ABCB6: variants seen among roughly 807,000 people sequenced by gnomAD.
ABCB6 encodes the protein ATP-binding cassette sub-family B member 6.
Under a neutral mutation model 99.4 loss-of-function variants are expected in ABCB6, and 87 were observed. The ratio of observed to expected loss-of-function variants is 0.88; its 90% CI spans 0.74 to 1.05. The LOEUF is 1.05. Ranked by LOEUF, ABCB6 falls within the 50% of genes least tolerant of loss-of-function variation. The pLI is 0.00. For synonymous variants in ABCB6, 482 were observed against 447.5 expected (o/e 1.08, Z -0.97); for missense variants, 1,050 against 1,097.9 (o/e 0.96, Z 0.62).
rs1950670339 is a variant in ABCB6, at chr2:219,218,179, C to T, written c.495G>A (p.Leu165=). 2 of 1,613,638 alleles carry T rather than the reference C, an allele frequency of 1.2e-6. No individual in the cohort carries two copies. Among genetic ancestry groups the T allele is most frequent in the Non-Finnish European group, 1.7e-6 (2 of 1,179,978 alleles). ...ACCACTGTGGGCTGTTCCAAGACAC[C>T]AGGGCCAAGTTCTCAGCTGCAAACG... The part of the protein sequence containing the change: ...TVAFAAENLA[L]VSWNSPQWWW... The change falls in exon 1 of 19, where the codon CTG becomes CTA. Residue 165 remains leucine, a synonymous_variant. Coordinates refer to ENST00000265316, the MANE Select transcript of ABCB6 (RefSeq NM_005689.4).
rs1264483952 is a variant in ABCB6 at position 219,216,717 on chromosome 2, C to A, written c.803G>T (p.Cys268Phe). The A allele has an allele frequency of 3.1e-6, 5 of 1,602,414 alleles. No individual in the cohort carries two copies. The African/African-American group carries it at 6.7e-5, about 21-fold the overall frequency. ...SPALQLVVLICLGLMGLERAL... is the reference protein window; with the variant it reads ...SPALQLVVLIFLGLMGLERAL... The stretch of plus-strand genomic sequence containing the variant: ...CCGTTCCAAACCCATGAGCCCCAGG[C>A]AGATGAGCACCACCAGCTGCAGAGC... The change falls in exon 3 of 19, where the codon TGC becomes TTC. Residue 268 changes from cysteine to phenylalanine, a missense_variant. By Grantham distance (205) the Cys-to-Phe change is radical. Coordinates refer to ENST00000265316, the MANE Select transcript of ABCB6 (RefSeq NM_005689.4). The surrounding 1 kb of genome is among the most constrained non-coding windows in gnomAD (Gnocchi z 4.2).
At chr2:219,218,030 G>A in intron 1 of ABCB6, 95 bp downstream of exon 1, 1 of 1,460,550 alleles carries the variant, frequency 6.8e-7, no homozygotes, top group Non-Finnish European at 9.1e-7. Context: ...TTGCTTAGAG[G>A]CATCCTAAAG....
chr2:219,213,156 A>G, intron 12 of ABCB6, 85 bp downstream of exon 12: 1 of 1,605,328 alleles, frequency 6.2e-7, no homozygotes, highest in South Asian at 1.1e-5. Context: ...GCTCTTTTCC[A>G]AAAGCAGGGA....
chr2:219,215,373 G>C (rs1388325608), intron 5 of ABCB6: 7 of 331,868 alleles, frequency 2.1e-5, no homozygotes, highest in Non-Finnish European at 3.9e-5. Flanking sequence ...AATACCATTT[G>C]TTTTAGGAAA....
Position 219,210,706 on chromosome 2 carries a change from C to A in ABCB6, c.2256+5G>T, listed in dbSNP as rs372762654. On this transcript the variant is annotated splice_donor_5th_base_variant and intron_variant, in intron 16 of 18. Coordinates refer to ENST00000265316, the MANE Select transcript of ABCB6 (RefSeq NM_005689.4). ...AGGAAGGAGGGGAGGAGACCCAGGG[C>A]GCACCTCATCCAGCAGAATGATGCC... 3.7e-6 allele frequency: 6 copies of A among 1,613,476 alleles called. No individual in the cohort carries two copies. In the South Asian group the frequency reaches 5.5e-5, roughly 15 times the overall value.
rs1950572258 is a variant in ABCB6, at chr2:219,211,052, G to A, written c.2025C>T (p.Leu675=). 6.2e-7 allele frequency: 1 copy of A among 1,614,194 alleles called. No individual in the cohort carries two copies. Among genetic ancestry groups the A allele is most frequent in the Non-Finnish European group, 8.5e-7 (1 of 1,180,038 alleles). The change falls in exon 15 of 19, where the codon CTC becomes CTT. Residue 675 remains leucine, a synonymous_variant. Transcript: ENST00000265316. The stretch of plus-strand genomic sequence containing the variant: ...TATTGTCGGCGATGGTGTCATTAAA[G>A]AGGACAGTGTCTTGGGGCACAACTC... ...HIGVVPQDTV[L]FNDTIADNIR...
In ABCB6 at chr2:219,218,478, C is replaced by T. The variant is rs773656026; in HGVS notation, c.196G>A (p.Ala66Thr). The change falls in exon 1 of 19, where the codon GCC becomes ACC. Residue 66 changes from alanine (A) to threonine (T), a missense_variant. Ala to Thr is a moderately conservative substitution (Grantham distance 58, BLOSUM62 0). Transcript: ENST00000265316. ...ACGTAGGGAGAGATGCGAGGGCCGG[C>T]CCCCCAAGACAGCGAATCAGCACCA... ...PAGADSLSWG[A>T]GPRISPYVLQ... is the part of the protein sequence containing the mutation. 47 of 1,606,650 alleles carry T rather than the reference C, an allele frequency of 2.9e-5. No homozygotes were observed. Among genetic ancestry groups the T allele is most frequent in the Non-Finnish European group, 3.6e-5 (42 of 1,177,150 alleles).
intron 13 of ABCB6, 28 bp downstream of exon 13, chr2:219,212,980 T>C (rs752837301): frequency 1.7e-5 from 27 of 1,612,952 alleles, no homozygotes; most frequent in South Asian, 4.4e-5. Flanking sequence ...TTGAGGCATC[T>C]GGGCCAAGTG....
intron 5 of ABCB6, 63 bp downstream of exon 5, chr2:219,215,934 C>T (rs1044091253): frequency 3.0e-5 from 43 of 1,452,928 alleles, no homozygotes; most frequent in South Asian, 4.4e-5. Flanking sequence ...CTTCCTCCCA[C>T]GGGCCCCTAT....
rs367926648 is a variant in ABCB6 at position 219,217,663 on chromosome 2, G to A, written c.687+7C>T. On this transcript the variant is annotated splice_region_variant and intron_variant, in intron 2 of 18. Coordinates refer to ENST00000265316, the MANE Select transcript of ABCB6 (RefSeq NM_005689.4). The stretch of plus-strand genomic sequence containing the variant: ...GTCTCCAAAAAAAAAAAGAAACTGA[G>A]GTGTACCTGGCTCCTTTCCACATCT... The A allele has an allele frequency of 4.3e-5, 68 of 1,585,858 alleles. No individual in the cohort carries two copies. Among genetic ancestry groups the A allele is most frequent in the Admixed American group, 7.6e-5 (4 of 52,418 alleles).
In ABCB6 at chr2:219,216,882, A is replaced by G; in HGVS notation, c.688-50T>C. The G allele has an allele frequency of 6.5e-7, 1 of 1,533,960 alleles. No homozygotes were observed. The highest frequency in any genetic ancestry group is 1.4e-5 in the African/African-American group (1 of 72,928). ...GGGAGCTCAGAAATCAAGTAAGTGC[A>G]CTAGCCAGAAACCCTTCAGGGAAAA... On this transcript the variant is annotated intron_variant, in intron 2 of 18. Transcript: ENST00000265316. The surrounding 1 kb of genome is among the most constrained non-coding windows in gnomAD (Gnocchi z 4.2).
At chr2:219,214,273 A>G (rs1257592709) in intron 7 of ABCB6, 87 bp from the exon 8 acceptor site, 2 of 1,507,548 alleles carry the variant, frequency 1.3e-6, no homozygotes, top group African/African-American at 2.8e-5. Context: ...CTCCTTCCTG[A>G]GTTCAAACAT....
In ABCB6 at chr2:219,216,195, G is replaced by C. The variant is rs756474494; in HGVS notation, c.971-15C>G. ...GCTCACGAAGCCTGCAGGGAGCCGG[G>C]GGACGCCTCAGTAGGGCCTGGGAGC... On this transcript the variant is annotated splice_polypyrimidine_tract_variant and intron_variant, in intron 4 of 18. Coordinates refer to ENST00000265316, the MANE Select transcript of ABCB6 (RefSeq NM_005689.4). This position sits in a 1 kb window ranked among gnomAD's most constrained non-coding sequence, Gnocchi z 4.2. 12 of 1,578,904 alleles carry C rather than the reference G, an allele frequency of 7.6e-6. No individual in the cohort carries two copies. The highest frequency in any genetic ancestry group is 1.0e-5 in the Non-Finnish European group (12 of 1,158,830).
chr2:219,215,662 A>G (rs1347222893), intron 5 of ABCB6: 2 of 187,808 alleles, frequency 1.1e-5, no homozygotes, highest in African/African-American at 4.7e-5. Flanking sequence ...AATTGCTTGA[A>G]CCCGGGAGGC....
intron 6 of ABCB6, 168 bp from the exon 7 acceptor site, chr2:219,214,666 A>T: frequency 1.5e-6 from 1 of 645,168 alleles, no homozygotes; most frequent in Non-Finnish European, 2.7e-6. Flanking sequence ...TCATGTGTAG[A>T]AAACGCTTTT....
intron 6 of ABCB6, 52 bp downstream of exon 6, chr2:219,214,909 C>A: frequency 6.2e-7 from 1 of 1,610,240 alleles, no homozygotes; most frequent in Non-Finnish European, 8.5e-7. Context: ...AGCTCATGGC[C>A]AAGGGAGTCC....
intron 14 of ABCB6, 90 bp downstream of exon 14, chr2:219,212,297 G>C: frequency 9.1e-7 from 1 of 1,103,750 alleles, no homozygotes; most frequent in South Asian, 1.3e-5. Context: ...TTTTTTGCAA[G>C]GGTGACATCT....
chr2:219,212,475 GC>G lies in ABCB6; in HGVS notation c.1879del (p.Ala627GlnfsTer23), dbSNP rs759698352. 1.9e-6 allele frequency: 3 copies of G among 1,613,936 alleles called. No individual in the cohort carries two copies. The highest frequency in any genetic ancestry group is 2.5e-6 in the Non-Finnish European group (3 of 1,179,954). ...QTLALVGPSG[A>X]GKSTILRLLF... is the part of the protein sequence containing the mutation. ...CAGGCGCAAAATTGTGCTCTTCCCT[GC>G]CCCAGATGGGCCCACCTGTTGCATT... On this transcript the variant is annotated frameshift_variant, in exon 14 of 19. Coordinates refer to ENST00000265316, the MANE Select transcript of ABCB6 (RefSeq NM_005689.4). LOFTEE classifies it high-confidence loss of function.
At chr2:219,210,348 A>C in intron 17 of ABCB6, 33 bp downstream of exon 17, 1 of 1,614,168 alleles carries the variant, frequency 6.2e-7, no homozygotes. Flanking sequence ...AGCGGGCCAC[A>C]TCACCAGCCG....
Sources: allele counts gnomAD v4.1 joint callset, GRCh38; gene constraint gnomAD v4.1.1; non-coding constraint Gnocchi (gnomAD v3.1); transcripts MANE v1.5; gene names NCBI Gene and HGNC (gene_info 2026-07-23, HGNC 2026-07-21).